NFATC2: variants seen among roughly 807,000 people sequenced by gnomAD.
NFATC2 encodes the protein nuclear factor of activated T-cells, cytoplasmic 2.
In NFATC2, 22 loss-of-function variants were observed where a neutral mutation model predicts 87.3. The ratio of observed to expected loss-of-function variants is 0.25; its 90% CI spans 0.18 to 0.36. The LOEUF (loss-of-function observed/expected upper bound fraction) is 0.36, where lower values mean the gene tolerates loss of function less well. NFATC2 is among the 10% of genes least tolerant of loss of function. The probability of loss-of-function intolerance (pLI) is 1.00; values close to 1 mark genes in which losing one functional copy is unlikely to be tolerated. For synonymous variants in NFATC2, 565 were observed against 542.2 expected (o/e 1.04, Z -0.58); for missense variants, 1,149 against 1,259.1 (o/e 0.91, Z 1.32).
At chr20:51,561,439 G>T (rs991977806) in intron 1 of NFATC2, among the ~76,000 whole-genome samples, 1 of 82,942 alleles carries the variant, frequency 1.2e-5, no homozygotes, top group Non-Finnish European at 2.5e-5. Context: ...AGAAAAGAAA[G>T]AAAGAAAGAA....
chr20:51,548,059 C>G lies in NFATC2; in HGVS notation c.70+14501G>C, dbSNP rs2869426. On this transcript the variant is annotated intron_variant, in intron 1 of 10. Coordinates refer to the NFATC2 transcript ENST00000414705. ...TAAAATTAAATACAAAGCCCTTGGT[C>G]TGCAAGGCCCTACGTAAGCTACGTC... Among the ~76,000 whole-genome samples, 1,395 of 152,268 alleles carry G rather than the reference C, an allele frequency of 9.2e-3. 23 individuals carry two copies. The highest frequency in any genetic ancestry group is 0.032 in the African/African-American group (1,319 of 41,540).
At chr20:51,398,030 C>G (rs1327522853) in intron 10 of NFATC2, among the ~76,000 whole-genome samples, 1 of 151,988 alleles carries the variant, frequency 6.6e-6, no homozygotes, top group Admixed American at 6.6e-5. Flanking sequence ...GGTGGATCTG[C>G]TGGGTGAGGG....
intron 1 of NFATC2, among the ~76,000 whole-genome samples, chr20:51,552,302 ATG>A (rs2146833623): frequency 6.6e-6 from 1 of 151,660 alleles, no homozygotes; most frequent in East Asian, 1.9e-4. Context: ...TCATATATGT[ATG>A]TGTGTCTGTG....
At chr20:51,481,109 T>G (rs1041361573) in intron 3 of NFATC2, among the ~76,000 whole-genome samples, 5 of 152,164 alleles carry the variant, frequency 3.3e-5, no homozygotes, top group Admixed American at 2.0e-4. Context: ...AGGTACAGAA[T>G]GTGCCCAGAA....
At chr20:51,526,729 A>T (rs1474304795) in intron 1 of NFATC2, among the ~76,000 whole-genome samples, 2 of 151,892 alleles carry the variant, frequency 1.3e-5, no homozygotes, top group Non-Finnish European at 2.9e-5. Context: ...AGCCAAGCTG[A>T]TCTCTTAGGG....
At chr20:51,511,480 A>C (rs1381986754) in intron 3 of NFATC2, among the ~76,000 whole-genome samples, 1 of 152,136 alleles carries the variant, frequency 6.6e-6, no homozygotes, top group African/African-American at 2.4e-5. Flanking sequence ...TCATATATCC[A>C]ACTGTTTACT....
At chr20:51,449,990 T>C (rs574570371) in intron 6 of NFATC2, among the ~76,000 whole-genome samples, 1 of 152,240 alleles carries the variant, frequency 6.6e-6, no homozygotes, top group Non-Finnish European at 1.5e-5. Context: ...TTACTTGTCT[T>C]TGTTTTTCTA....
chr20:51,514,556 T>C (rs1042449840), intron 3 of NFATC2, among the ~76,000 whole-genome samples: 3 of 152,050 alleles, frequency 2.0e-5, no homozygotes, highest in African/African-American at 7.2e-5. Flanking sequence ...GAAGGAAAGG[T>C]GCATGGAGCT....
chr20:51,401,614 G>A (rs1424129122), intron 9 of NFATC2, among the ~76,000 whole-genome samples: 2 of 151,942 alleles, frequency 1.3e-5, no homozygotes, highest in East Asian at 3.8e-4. Flanking sequence ...GTCCCTAAGT[G>A]TCATCTACAA....
intron 5 of NFATC2, among the ~76,000 whole-genome samples, chr20:51,463,698 C>T (rs951784901): frequency 8.5e-5 from 13 of 152,196 alleles, no homozygotes; most frequent in African/African-American, 3.1e-4. Context: ...TCCTTCGGAG[C>T]CTCAGCCTGC....
At chr20:51,443,823 C>T (rs1189219755) in intron 6 of NFATC2, among the ~76,000 whole-genome samples, 1 of 152,026 alleles carries the variant, frequency 6.6e-6, no homozygotes, top group Non-Finnish European at 1.5e-5. Context: ...GGTGTGAAAA[C>T]AGCCCTTCCA....
At chr20:51,482,015 C>A (rs1338241723) in intron 3 of NFATC2, among the ~76,000 whole-genome samples, 1 of 152,166 alleles carries the variant, frequency 6.6e-6, no homozygotes, top group Admixed American at 6.5e-5. Flanking sequence ...TGCTCACTAT[C>A]CTACAGGTCA....
chr20:51,409,646 C>T (rs942412359), intron 9 of NFATC2, among the ~76,000 whole-genome samples: 4 of 152,258 alleles, frequency 2.6e-5, no homozygotes, highest in South Asian at 4.1e-4. Context: ...CCAAAAGCAT[C>T]GAAGCTGAAT....
chr20:51,477,246 A>G (rs1038861852), intron 3 of NFATC2, among the ~76,000 whole-genome samples: 1 of 152,120 alleles, frequency 6.6e-6, no homozygotes, highest in Non-Finnish European at 1.5e-5. Context: ...CACGCTGTTG[A>G]AAAACAAAAG....
intron 1 of NFATC2, among the ~76,000 whole-genome samples, chr20:51,535,689 A>T (rs1416706162): frequency 1.3e-5 from 2 of 152,220 alleles, no homozygotes; most frequent in East Asian, 3.8e-4. Flanking sequence ...TATACAGGTA[A>T]ACAGCCCCTT....
At position 51,477,533 on chromosome 20, in the gene NFATC2, G is replaced by GTGTGTA. The variant is rs1203933981; in HGVS notation, c.1333-1874_1333-1873insTACACA. On this transcript the variant is annotated intron_variant, in intron 3 of 10. Transcript: ENST00000371564. The stretch of plus-strand genomic sequence containing the variant: ...TATATATATACATATGTGTGTGTGT[G>GTGTGTA]TCTATATATATATATATATATATAT... 4.4e-4 allele frequency among the ~76,000 whole-genome samples: 30 copies of GTGTGTA among 68,526 alleles called. 1 individual carries two copies. Among genetic ancestry groups the GTGTGTA allele is most frequent in the Admixed American group, 7.5e-4 (4 of 5,312 alleles). 45.0% of individuals were successfully genotyped at this position (68,526 alleles called of 152,430 possible). A position where few individuals can be genotyped will look rare whatever the true frequency, so the allele number is the denominator to read the frequency against.
At chr20:51,398,996 G>A in intron 9 of NFATC2, 2 of 369,406 alleles carry the variant, frequency 5.4e-6, no homozygotes, top group African/African-American at 2.0e-5. Context: ...GTTCAGGGTG[G>A]ACAAAAGGGC....
chr20:51,553,326 CTT>C (rs1388698081), intron 1 of NFATC2, among the ~76,000 whole-genome samples: 9 of 152,202 alleles, frequency 5.9e-5, no homozygotes, highest in Admixed American at 5.9e-4. Flanking sequence ...TGTTTCTCCT[CTT>C]TGTTCCTTGC....
chr20:51,544,282 C>T (rs1285519911), upstream of NFATC2, among the ~76,000 whole-genome samples: 5 of 152,134 alleles, frequency 3.3e-5, no homozygotes, highest in South Asian at 2.1e-4. Context: ...CCACCACGCC[C>T]GGCCTGAAAA....
Sources: allele counts gnomAD v4.1 joint callset (sites outside exome capture counted in the v4.1 genomes callset), GRCh38; gene constraint gnomAD v4.1.1; transcripts MANE v1.5; gene names NCBI Gene and HGNC (gene_info 2026-07-23, HGNC 2026-07-21).